Variants in MASP2 observed in about 807,000 individuals in gnomAD.
The protein encoded by MASP2 is MBL associated serine protease 2.
A neutral mutation model predicts 57.1 loss-of-function variants in MASP2; 49 were observed. The observed-to-expected ratio is 0.86, with a 90% CI of 0.68 to 1.09. MASP2 has a LOEUF of 1.09. Ranked by LOEUF, MASP2 falls within the 50% of genes least tolerant of loss-of-function variation. The probability of loss-of-function intolerance (pLI) is 0.00; values close to 1 mark genes in which losing one functional copy is unlikely to be tolerated. For missense variants in MASP2, 900 were observed against 874.8 expected, an observed-to-expected ratio of 1.03 and a Z score of -0.36; for synonymous variants, 379 against 340.8, an observed-to-expected ratio of 1.11 and a Z score of -1.24.
At chr1:11,033,513 T>C (rs1205851789) in intron 8 of MASP2, among the ~76,000 whole-genome samples, 1 of 151,164 alleles carries the variant, frequency 6.6e-6, no homozygotes, top group Non-Finnish European at 1.5e-5. Context: ...GGTGTGGCGG[T>C]GTGTGCCTGT....
Position 11,046,722 on chromosome 1 carries a change from C to G in MASP2, c.246G>C (p.Gly82=). The change falls in exon 3 of 11, where the codon GGG becomes GGC. Residue 82 remains glycine (G), a synonymous_variant. Transcript: ENST00000400897. ...CEYDFVKLSS[G]AKVLATLCGQ... ...CGCACAGCGTGGCCAGCACCTTGGC[C>G]CCCGAGCTCAGCTGTGGGGTCAGGT... 1 of 1,612,446 alleles carries G rather than the reference C, an allele frequency of 6.2e-7. No individual in the cohort carries two copies. The highest frequency in any genetic ancestry group is 8.5e-7 in the Non-Finnish European group (1 of 1,179,624).
At chr1:11,044,961 A>C in intron 4 of MASP2, 1 of 1,610,316 alleles carries the variant, frequency 6.2e-7, no homozygotes, top group Non-Finnish European at 8.5e-7. Flanking sequence ...GCTCTGGAAG[A>C]GAGATCAGAG....
At chr1:11,039,797 T>C (rs1187225353) in intron 6 of MASP2, among the ~76,000 whole-genome samples, 3 of 145,472 alleles carry the variant, frequency 2.1e-5, no homozygotes, top group Non-Finnish European at 4.5e-5. Context: ...GTTGGATGAA[T>C]AGAAGAATGG....
In MASP2 at chr1:11,033,955, ACACACACACACTCTCTCTCT is replaced by A. The variant is rs1271220273; in HGVS notation, c.1087+853_1087+872del. 1.4e-3 allele frequency among the ~76,000 whole-genome samples: 99 copies of A among 69,622 alleles called. 2 individuals carry two copies. The highest frequency in any genetic ancestry group is 4.4e-3 in the African/African-American group (94 of 21,440). 45.7% of individuals were successfully genotyped at this position (69,622 alleles called of 152,430 possible). On this transcript the variant is annotated intron_variant, in intron 8 of 10. Transcript: ENST00000400897. Reference sequence around the variant, plus strand: ...CACACACACACACACACACACACACACACACACACACTCTCTCTCTCTCTCTCTCTCACACACTTTGGGAG... The same window carrying A: ...CACACACACACACACACACACACACACTCTCTCTCTCACACACTTTGGGAG...
At chr1:11,037,625 G>T in intron 7 of MASP2, 68 bp downstream of exon 7, 1 of 943,708 alleles carries the variant, frequency 1.1e-6, no homozygotes, top group Non-Finnish European at 1.6e-6. Flanking sequence ...TCACATATCT[G>T]CAGATAGAAA....
intron 6 of MASP2, among the ~76,000 whole-genome samples, chr1:11,040,465 TA>T (rs61379703): frequency 0.72 from 69,040 of 96,184 alleles, 24,178 homozygotes; most frequent in East Asian, 0.83. Context: ...AGTCTTTGTC[TA>T]AAAAAAAAAA....
At position 11,028,701 on chromosome 1, in the gene MASP2, T is replaced by TTTG. The variant is rs1557665435; in HGVS notation, c.1298-1054_1298-1053insCAA. ...AATATATTACTATCTTTCTGGGTTT[T>TTTG]TTTTCTTTTTTTTTTTTTTTTTTTT... On this transcript the variant is annotated intron_variant, in intron 10 of 10. Transcript: ENST00000400897. Among the ~76,000 whole-genome samples, 3 of 50,874 alleles carry TTTG rather than the reference T, an allele frequency of 5.9e-5. No individual in the cohort carries two copies. The East Asian group carries it at 1.2e-3, about 20-fold the overall frequency. 33.4% of individuals were successfully genotyped at this position (50,874 alleles called of 152,430 possible).
At chr1:11,033,050 C>G (rs1162780936) in intron 8 of MASP2, among the ~76,000 whole-genome samples, 2 of 151,596 alleles carry the variant, frequency 1.3e-5, no homozygotes, top group Non-Finnish European at 2.9e-5. Context: ...TATTGTCGGC[C>G]GGGCGCGGTG....
rs1643752142 is a variant in MASP2 at position 11,027,240 on chromosome 1, G to T, written c.1706C>A (p.Thr569Asn). ...TTGGGTTAATCCCCATCCAGATGCA[G>T]TTCCAATGTCATCTGTCCTCATAAA... ...ESFMRTDDIG[T>N]ASGWGLTQRG... is the part of the protein sequence containing the mutation. Residue 569 changes from threonine to asparagine, a missense_variant, in exon 11 of 11, where the codon ACT (threonine) becomes AAT (asparagine). Thr to Asn is a moderately conservative substitution (Grantham distance 65). Transcript: ENST00000400897. 1 of 1,614,172 alleles carries T rather than the reference G, an allele frequency of 6.2e-7. No individual in the cohort carries two copies. Among genetic ancestry groups the T allele is most frequent in the East Asian group, 2.2e-5 (1 of 44,888 alleles).
At chr1:11,030,452 T>C (rs1280553217) in intron 9 of MASP2, 1 of 584,556 alleles carries the variant, frequency 1.7e-6, no homozygotes, top group Non-Finnish European at 3.0e-6. Flanking sequence ...TTTAGATGTG[T>C]AACTTGAATA....
chr1:11,028,706 C>T (rs7528551), intron 10 of MASP2, among the ~76,000 whole-genome samples: 2,657 of 11,592 alleles, frequency 0.23, 116 homozygotes, highest in African/African-American at 0.42. Context: ...GGTTTTTTTT[C>T]TTTTTTTTTT....
At chr1:11,033,965 A>ACACACACTCT (rs1445746544) in intron 8 of MASP2, among the ~76,000 whole-genome samples, 5 of 15,434 alleles carry the variant, frequency 3.2e-4, no homozygotes, top group African/African-American at 8.7e-4. Flanking sequence ...ACACACACAC[A>ACACACACTCT]CTCTCTCTCT....
At position 11,034,933 on chromosome 1, in the gene MASP2, T is replaced by C. The variant is rs768952945; in HGVS notation, c.1009-27A>G. The C allele has an allele frequency of 1.3e-5, 20 of 1,499,480 alleles. No individual in the cohort carries two copies. The Admixed American group carries it at 3.6e-4, about 27-fold the overall frequency. The allele number at this position is 1,499,480 out of a possible 1,614,324, so 92.9% of individuals were successfully genotyped here. On this transcript the variant is annotated intron_variant, in intron 7 of 10. Transcript: ENST00000400897. ...TAAAGAAGAATTCAGAATATATTAA[T>C]TTCCTTGTTTATATCATAAAATCAC... is the stretch of plus-strand genomic sequence containing the variant.
chr1:11,037,903 A>G, intron 6 of MASP2, 92 bp from the exon 7 acceptor site: 1 of 667,960 alleles, frequency 1.5e-6, no homozygotes, highest in Non-Finnish European at 2.5e-6. Flanking sequence ...TTTATAAAGA[A>G]TACTTAACAT....
At position 11,027,843 on chromosome 1, in the gene MASP2, G is replaced by A. The variant is rs577107636; in HGVS notation, c.1298-195C>T. Among the ~76,000 whole-genome samples, 23 of 152,256 alleles carry A rather than the reference G, an allele frequency of 1.5e-4. 1 individual carries two copies. The South Asian group carries it at 4.6e-3, about 30-fold the overall frequency. On this transcript the variant is annotated intron_variant, in intron 10 of 10. Coordinates refer to ENST00000400897, the MANE Select transcript of MASP2 (RefSeq NM_006610.4). ...TTCAAACACCTGATAAAACCTTTTG[G>A]TATTTCTTAGCTCCTCAGAAAATGA...
chr1:11,043,931 T>G (rs1190563899), intron 4 of MASP2, among the ~76,000 whole-genome samples: 17 of 149,872 alleles, frequency 1.1e-4, no homozygotes, highest in African/African-American at 4.2e-4. Flanking sequence ...CGGGGGTGGA[T>G]GGACACACAG....
At chr1:11,041,016 T>C (rs1398804124) in intron 6 of MASP2, among the ~76,000 whole-genome samples, 2 of 147,106 alleles carry the variant, frequency 1.4e-5, no homozygotes, top group African/African-American at 2.6e-5. Flanking sequence ...GATGGGTGGA[T>C]GGGTAGATGA....
intron 8 of MASP2, among the ~76,000 whole-genome samples, chr1:11,032,180 A>G (rs1023330486): frequency 6.6e-6 from 1 of 152,174 alleles, no homozygotes; most frequent in Non-Finnish European, 1.5e-5. Context: ...AGGGTGTGTC[A>G]CATGAGGTAT....
chr1:11,026,696 CA>C lies in MASP2; in HGVS notation c.*188del. ...TCTCGTGGTTTATGTCCCCTTGAGT[CA>C]ATGGGTAAGGCTGGAATTAAACTGG... is the stretch of plus-strand genomic sequence containing the variant. On this transcript the variant is annotated 3_prime_UTR_variant, in exon 11 of 11. Coordinates refer to ENST00000400897, the MANE Select transcript of MASP2 (RefSeq NM_006610.4). 2.3e-6 allele frequency: 1 copy of C among 434,614 alleles called. No homozygotes were observed. Among genetic ancestry groups the C allele is most frequent in the Non-Finnish European group, 4.0e-6 (1 of 252,204 alleles). The allele number at this position is 434,614 out of a possible 1,614,324, so 26.9% of individuals were successfully genotyped here.
Sources: allele counts gnomAD v4.1 joint callset (sites outside exome capture counted in the v4.1 genomes callset), GRCh38; gene constraint gnomAD v4.1.1; transcripts MANE v1.5; gene names NCBI Gene and HGNC (gene_info 2026-07-23, HGNC 2026-07-21).